STAM2: variants seen among roughly 807,000 people sequenced by gnomAD.
STAM2 encodes the protein signal transducing adaptor molecule 2, also known as signal transducing adapter molecule 2.
STAM2 carries 51 observed loss-of-function variants against 65.6 expected under a neutral mutation model. That is an observed-to-expected ratio of 0.78 (90% CI 0.62 to 0.98). The LOEUF is 0.98. Ranked by LOEUF, STAM2 falls within the 50% of genes least tolerant of loss-of-function variation. The probability of loss-of-function intolerance (pLI) is 0.00; values close to 1 mark genes in which losing one functional copy is unlikely to be tolerated. For synonymous variants in STAM2, 198 were observed against 208.4 expected, an observed-to-expected ratio of 0.95 and a Z score of 0.43; for missense variants, 584 against 617.8, an observed-to-expected ratio of 0.95 and a Z score of 0.58.
intron 1 of STAM2, among the ~76,000 whole-genome samples, chr2:152,157,142 G>A (rs1579329491): frequency 6.6e-6 from 1 of 152,152 alleles, no homozygotes; most frequent in Admixed American, 6.5e-5. Flanking sequence ...ACTAGCCCAA[G>A]AAGAGCGAGA....
At chr2:152,125,556 C>T (rs946298930) in intron 12 of STAM2, among the ~76,000 whole-genome samples, 5 of 152,076 alleles carry the variant, frequency 3.3e-5, no homozygotes, top group Admixed American at 6.6e-5. Flanking sequence ...TGTAAGTATT[C>T]GCTTCACATG....
Position 152,150,297 on chromosome 2 carries a change from G to C in STAM2, c.41-68C>G. On this transcript the variant is annotated intron_variant, in intron 1 of 13. Coordinates refer to ENST00000263904, the MANE Select transcript of STAM2 (RefSeq NM_005843.6). ...ATATAACACTAAAATACCAGTAAAG[G>C]TCCAACAGTTAAGAAATCCTACCTT... The C allele has an allele frequency of 4.0e-6, 4 of 1,008,756 alleles. No individual in the cohort carries two copies. The Admixed American group carries it at 8.5e-5, about 21-fold the overall frequency. The allele number at this position is 1,008,756 out of a possible 1,614,324, so 62.5% of individuals were successfully genotyped here.
chr2:152,154,491 G>A (rs1177125690), intron 1 of STAM2, among the ~76,000 whole-genome samples: 5 of 152,144 alleles, frequency 3.3e-5, no homozygotes, highest in South Asian at 4.2e-4. Context: ...GGTGGCACGC[G>A]CCTGTAGTCC....
intron 2 of STAM2, 53 bp downstream of exon 2, chr2:152,150,092 G>T (rs1689413680): frequency 1.7e-6 from 2 of 1,211,100 alleles, no homozygotes; most frequent in Non-Finnish European, 2.4e-6. Flanking sequence ...CACAAAAAGA[G>T]ACACTGGTTA....
At chr2:152,172,664 T>G (rs1579340543) in intron 1 of STAM2, among the ~76,000 whole-genome samples, 1 of 149,650 alleles carries the variant, frequency 6.7e-6, no homozygotes, top group Non-Finnish European at 1.5e-5. Flanking sequence ...AGGGCAGGAG[T>G]TCAAGACCAG....
chr2:152,132,627 A>G (rs533341581), intron 10 of STAM2, among the ~76,000 whole-genome samples: 136 of 152,178 alleles, frequency 8.9e-4, no homozygotes, highest in Non-Finnish European at 1.6e-3. Context: ...GCTGTATTCT[A>G]TATTCATAAC....
chr2:152,136,892 C>CTTTTTTTTTTTTTTTTTTTT (rs746931542), intron 7 of STAM2, among the ~76,000 whole-genome samples: 1 of 130,114 alleles, frequency 7.7e-6, no homozygotes, highest in Non-Finnish European at 1.6e-5. Flanking sequence ...AAACATTTTT[C>CTTTTTTTTTTTTTTTTTTTT]TTTTTTTTTT....
intron 11 of STAM2, among the ~76,000 whole-genome samples, chr2:152,129,291 C>T (rs774181614): frequency 6.6e-6 from 1 of 152,038 alleles, no homozygotes; most frequent in Non-Finnish European, 1.5e-5. Flanking sequence ...GGACTACAGG[C>T]GCACACCACC....
chr2:152,142,226 T>G (rs917728533), intron 7 of STAM2, among the ~76,000 whole-genome samples: 1 of 152,212 alleles, frequency 6.6e-6, no homozygotes, highest in African/African-American at 2.4e-5. Flanking sequence ...TCTTAGCAGT[T>G]ACAAATAAAA....
rs774676729 is a variant in STAM2 at position 152,148,320 on chromosome 2, G to A, written c.126-20C>T. On this transcript the variant is annotated intron_variant, in intron 2 of 13. Transcript: ENST00000263904. ...TTCGCTCTAAAAAAAAAAAGAGAGAGAGAGACAGTTAAGTATTTACTGATA... is the reference window on the plus strand; with the variant it reads ...TTCGCTCTAAAAAAAAAAAGAGAGAAAGAGACAGTTAAGTATTTACTGATA... 50 of 1,532,390 alleles carry A rather than the reference G, an allele frequency of 3.3e-5. 1 individual carries two copies. The South Asian group carries it at 5.3e-4, about 16-fold the overall frequency. The allele number at this position is 1,532,390 out of a possible 1,614,324, so 94.9% of individuals were successfully genotyped here. A position where few individuals can be genotyped will look rare whatever the true frequency, so the allele number is the denominator to read the frequency against.
intron 1 of STAM2, among the ~76,000 whole-genome samples, chr2:152,164,992 A>C (rs1689750556): frequency 6.6e-6 from 1 of 152,170 alleles, no homozygotes. Context: ...ACGTCCCCCT[A>C]ACTCCACAAA....
At chr2:152,168,852 C>A (rs1217925386) in intron 1 of STAM2, among the ~76,000 whole-genome samples, 1 of 152,204 alleles carries the variant, frequency 6.6e-6, no homozygotes, top group Admixed American at 6.5e-5. Flanking sequence ...AGTGATTAGA[C>A]AATTGATTAT....
At chr2:152,174,147 T>G (rs1689963115) in intron 1 of STAM2, among the ~76,000 whole-genome samples, 1 of 152,230 alleles carries the variant, frequency 6.6e-6, no homozygotes, top group Non-Finnish European at 1.5e-5. Context: ...AGAGAATTTT[T>G]CCATCAGAAA....
At chr2:152,123,667 C>CA (rs1191551225) in intron 13 of STAM2, 99 bp downstream of exon 13, 1 of 1,173,704 alleles carries the variant, frequency 8.5e-7, no homozygotes, top group Non-Finnish European at 1.2e-6. Context: ...TATGAATAAA[C>CA]AGTTCTGTAA....
intron 11 of STAM2, among the ~76,000 whole-genome samples, chr2:152,128,182 C>A (rs1560210530): frequency 6.6e-6 from 1 of 152,124 alleles, no homozygotes; most frequent in Non-Finnish European, 1.5e-5. Context: ...CCGAGGCAGG[C>A]AGATCACGAG....
At chr2:152,153,911 C>CAA (rs1449230215) in intron 1 of STAM2, among the ~76,000 whole-genome samples, 1 of 151,700 alleles carries the variant, frequency 6.6e-6, no homozygotes, top group Admixed American at 6.6e-5. Context: ...CACACACACA[C>CAA]ACACACACGC....
intron 1 of STAM2, among the ~76,000 whole-genome samples, chr2:152,172,539 G>T (rs943741575): frequency 1.3e-5 from 2 of 152,062 alleles, no homozygotes; most frequent in Non-Finnish European, 2.9e-5. Flanking sequence ...ATTAGCAAAA[G>T]GTGGTTACTT....
intron 1 of STAM2, among the ~76,000 whole-genome samples, chr2:152,173,794 G>C (rs532904381): frequency 8.5e-5 from 13 of 152,128 alleles, no homozygotes; most frequent in Non-Finnish European, 1.6e-4. Flanking sequence ...TCCAATTTGA[G>C]CTCTTTAGTA....
intron 1 of STAM2, among the ~76,000 whole-genome samples, chr2:152,174,201 A>G (rs1689964391): frequency 6.6e-6 from 1 of 152,208 alleles, no homozygotes; most frequent in African/African-American, 2.4e-5. Context: ...AAAAGAATTC[A>G]CGGTTTTTAA....
Sources: gnomAD v4.1 joint callset for allele counts (sites outside exome capture counted in the v4.1 genomes callset) on GRCh38, gnomAD v4.1.1 for gene constraint, MANE v1.5 for transcripts, NCBI Gene and HGNC (gene_info 2026-07-23, HGNC 2026-07-21) for gene names.